GRK3: variants seen among roughly 807,000 people sequenced by gnomAD.
GRK3 encodes the protein adrenergic, beta, receptor kinase 2.
A neutral mutation model predicts 95.7 loss-of-function variants in GRK3; 54 were observed. The observed-to-expected ratio is 0.56, with a 90% confidence interval of 0.45 to 0.71. The LOEUF (loss-of-function observed/expected upper bound fraction) is 0.71. Among genes scored for constraint, GRK3 ranks in the 30% least tolerant of loss-of-function variants. GRK3 has a pLI of 0.00. For synonymous variants in GRK3, 281 were observed against 290.8 expected, an observed-to-expected ratio of 0.97 and a Z score of 0.34; for missense variants, 649 against 851.2, an observed-to-expected ratio of 0.76 and a Z score of 2.96.
intron 2 of GRK3, among the ~76,000 whole-genome samples, chr22:25,632,883 G>C (rs943933391): frequency 6.6e-6 from 1 of 151,988 alleles, no homozygotes; most frequent in African/African-American, 2.4e-5. Context: ...ATACTGCCTG[G>C]ATTACTGTAT....
At chr22:25,662,013 CAATT>C (rs2084912723) in intron 4 of GRK3, among the ~76,000 whole-genome samples, 1 of 152,190 alleles carries the variant, frequency 6.6e-6, no homozygotes, top group South Asian at 2.1e-4. Context: ...TATACTTTAA[CAATT>C]AAGCTAATCA....
At chr22:25,646,190 A>C (rs1199593051) in intron 3 of GRK3, among the ~76,000 whole-genome samples, 1 of 152,240 alleles carries the variant, frequency 6.6e-6, no homozygotes, top group Non-Finnish European at 1.5e-5. Flanking sequence ...GCAGGCCAGC[A>C]GGTGAGTCAG....
Position 25,725,536 on chromosome 22 carries a change from G to A in GRK3, c.*3086G>A, listed in dbSNP as rs2085466435. 1 of 398,532 alleles carries A rather than the reference G, an allele frequency of 2.5e-6. No individual in the cohort carries two copies. The highest frequency in any genetic ancestry group is 2.1e-5 in the African/African-American group (1 of 48,702). The allele number at this position is 398,532 out of a possible 1,614,324, so 24.7% of individuals were successfully genotyped here. A position where few individuals can be genotyped will look rare whatever the true frequency, so the allele number is the denominator to read the frequency against. ...GGTTTTCCTTCTTTGTCATATTTAA[G>A]TATGATTTTTCAACAAAACTTCTAG... is the stretch of plus-strand genomic sequence containing the variant. On this transcript the variant is annotated 3_prime_UTR_variant, in exon 21 of 21. Transcript: ENST00000324198.
chr22:25,648,256 A>G (rs2084801257), intron 3 of GRK3: 1 of 805,706 alleles, frequency 1.2e-6, no homozygotes, highest in Middle Eastern at 3.5e-4. Context: ...AGGAAACTTG[A>G]CAATGGTAGA....
intron 1 of GRK3, among the ~76,000 whole-genome samples, chr22:25,573,824 A>G (rs1329897340): frequency 6.6e-6 from 1 of 152,154 alleles, no homozygotes; most frequent in Non-Finnish European, 1.5e-5. Context: ...GTTTGAATCC[A>G]GGAGGCAGAG....
intron 19 of GRK3, 128 bp downstream of exon 19, chr22:25,718,509 T>C (rs2085405067): frequency 9.1e-7 from 1 of 1,102,362 alleles, no homozygotes; most frequent in Non-Finnish European, 1.3e-6. Context: ...CTGCTCTACA[T>C]GAGATTGTAA....
At chr22:25,571,759 G>A (rs571304328) in intron 1 of GRK3, among the ~76,000 whole-genome samples, 5 of 152,146 alleles carry the variant, frequency 3.3e-5, no homozygotes, top group Non-Finnish European at 5.9e-5. Flanking sequence ...AGACTCATAA[G>A]TAGGTTGATT....
chr22:25,573,886 C>T (rs546961146), intron 1 of GRK3, among the ~76,000 whole-genome samples: 18 of 151,736 alleles, frequency 1.2e-4, no homozygotes, highest in South Asian at 2.1e-4. Context: ...GTGGCAAGAG[C>T]GAAACTCTGT....
intron 2 of GRK3, among the ~76,000 whole-genome samples, chr22:25,606,351 C>T (rs867292070): frequency 4.6e-5 from 7 of 152,294 alleles, no homozygotes; most frequent in Non-Finnish European, 7.3e-5. Flanking sequence ...TTAGGGAGAG[C>T]GCACACCACC....
chr22:25,702,213 T>G (rs2085264564), intron 13 of GRK3, among the ~76,000 whole-genome samples: 1 of 152,200 alleles, frequency 6.6e-6, no homozygotes, highest in Admixed American at 6.5e-5. Context: ...ATTAAAGTGT[T>G]TCAGACAATA....
rs182631445 is a variant in GRK3 at position 25,593,821 on chromosome 22, A to G, written c.114-10556A>G. On this transcript the variant is annotated intron_variant, in intron 1 of 20. Coordinates refer to ENST00000324198, the MANE Select transcript of GRK3 (RefSeq NM_005160.4). ...GGGATCCAGTTTCAATCTTCTGCAT[A>G]TGGCTAGCCAGCTATCCCAGCACCA... Among the ~76,000 whole-genome samples the G allele has an allele frequency of 6.3e-4, 96 of 152,228 alleles. No individual in the cohort carries two copies. The East Asian group carries it at 0.01, about 16-fold the overall frequency.
At chr22:25,702,804 G>A (rs758289116) in intron 13 of GRK3, 1 of 455,796 alleles carries the variant, frequency 2.2e-6, no homozygotes, top group African/African-American at 2.0e-5. Context: ...TCCCTTCACT[G>A]CTTCTGTGAA....
At chr22:25,642,661 C>T (rs2084751775) in intron 2 of GRK3, among the ~76,000 whole-genome samples, 1 of 152,030 alleles carries the variant, frequency 6.6e-6, no homozygotes, top group South Asian at 2.1e-4. Flanking sequence ...TATTTTACTC[C>T]CTATGTCCAT....
chr22:25,596,357 A>C (rs1601461549), intron 1 of GRK3, among the ~76,000 whole-genome samples: 1 of 152,258 alleles, frequency 6.6e-6, no homozygotes, highest in East Asian at 1.9e-4. Context: ...AATAGAGTTT[A>C]GACTCAATTG....
chr22:25,662,848 A>G (rs549569952), intron 4 of GRK3, among the ~76,000 whole-genome samples: 5 of 152,282 alleles, frequency 3.3e-5, no homozygotes, highest in African/African-American at 1.2e-4. Flanking sequence ...GTACATTATT[A>G]AAGAAGACAC....
At chr22:25,618,822 T>C (rs2084559117) in intron 2 of GRK3, among the ~76,000 whole-genome samples, 1 of 151,846 alleles carries the variant, frequency 6.6e-6, no homozygotes, top group Admixed American at 6.6e-5. Context: ...GTGTCCCTCC[T>C]AGCGCTGCAG....
At chr22:25,649,459 A>C (rs1342596972) in intron 3 of GRK3, among the ~76,000 whole-genome samples, 1 of 152,232 alleles carries the variant, frequency 6.6e-6, no homozygotes, top group East Asian at 1.9e-4. Flanking sequence ...CAAAGAAAAT[A>C]GAGCTAAGAT....
Position 25,704,090 on chromosome 22 carries a change from T to G in GRK3, c.1228-19T>G, listed in dbSNP as rs1186863300. 4 of 1,591,466 alleles carry G rather than the reference T, an allele frequency of 2.5e-6. No homozygotes were observed. Among genetic ancestry groups the G allele is most frequent in the Non-Finnish European group, 3.4e-6 (4 of 1,161,306 alleles). On this transcript the variant is annotated intron_variant, in intron 14 of 20. Transcript: ENST00000324198. ...GTTTCATGAACGGATTTTTGAAATC[T>G]TACTCGTCTTTTCCCCAGAATGTGG...
intron 1 of GRK3, among the ~76,000 whole-genome samples, chr22:25,589,109 C>T (rs963221926): frequency 6.6e-6 from 1 of 152,184 alleles, no homozygotes; most frequent in African/African-American, 2.4e-5. Flanking sequence ...ACTTGTTCAA[C>T]CTTTATGACT....
Sources: gnomAD v4.1 joint callset for allele counts (sites outside exome capture counted in the v4.1 genomes callset) on GRCh38, gnomAD v4.1.1 for gene constraint, MANE v1.5 for transcripts, NCBI Gene and HGNC (gene_info 2026-07-23, HGNC 2026-07-21) for gene names.